CASK: variants seen among roughly 807,000 people sequenced by gnomAD.
CASK encodes calcium/calmodulin dependent serine protein kinase, also known as peripheral plasma membrane protein CASK.
CASK carries 4 observed loss-of-function variants against 82.9 expected under a neutral mutation model. The ratio of observed to expected loss-of-function variants is 0.05; its 90% CI spans 0.02 to 0.11. The LOEUF is 0.11. Ranked by LOEUF, CASK falls within the 10% of genes least tolerant of loss-of-function variation. The pLI is 1.00. For missense variants in CASK, 358 were observed against 720.9 expected (o/e 0.50, Z 5.76); for synonymous variants, 259 against 253.5 (o/e 1.02, Z -0.20).
intron 1 of CASK, among the ~76,000 whole-genome samples, chrX:41,909,855 C>T (rs1289167616): frequency 8.9e-6 from 1 of 111,940 alleles, no homozygotes; most frequent in African/African-American, 3.2e-5. Context: ...GATCCACCCA[C>T]CTTGGCCTCC....
intron 15 of CASK, among the ~76,000 whole-genome samples, chrX:41,570,010 C>CTTTTTTTTTTTTTTTTTTTTTTTTTT (rs397937722): frequency 1.8e-4 from 13 of 70,630 alleles, no homozygotes; most frequent in Non-Finnish European, 2.6e-4. Flanking sequence ...TTTCTTTTTT[C>CTTTTTTTTTTTTTTTTTTTTTTTTTT]TTTTTTTTTT....
intron 15 of CASK, 21 bp downstream of exon 15, chrX:41,578,319 A>C (rs777825631): frequency 8.6e-7 from 1 of 1,158,337 alleles, no homozygotes; most frequent in Non-Finnish European, 1.2e-6. Context: ...AGAGTATTGA[A>C]AACTTTCTCT....
chrX:41,783,979 CA>C (rs886883663), intron 3 of CASK, among the ~76,000 whole-genome samples: 2 of 112,220 alleles, frequency 1.8e-5, no homozygotes, highest in Non-Finnish European at 3.8e-5. Context: ...TCTTCTAGGC[CA>C]GTGGTCTTCA....
At position 41,588,212 on chromosome X, in the gene CASK, A is replaced by G. The variant is rs1001431743; in HGVS notation, c.1234-1225T>C. The G allele has an allele frequency of 5.4e-5, 6 of 112,059 alleles. No homozygotes were observed. In the East Asian group the frequency reaches 1.7e-3, roughly 31 times the overall value. 9.2% of individuals were successfully genotyped at this position (112,059 alleles called of 1,213,427 possible). ...ATTGTTTCAAGATGATAAACCAATTATCCTTGGTGTATTTTATGCTCCGAG... is the reference window on the plus strand; with the variant it reads ...ATTGTTTCAAGATGATAAACCAATTGTCCTTGGTGTATTTTATGCTCCGAG... On this transcript the variant is annotated intron_variant, in intron 13 of 26. Transcript: ENST00000378163.
intron 21 of CASK, among the ~76,000 whole-genome samples, chrX:41,544,349 T>C (rs1185651870): frequency 9.0e-6 from 1 of 111,175 alleles, no homozygotes; most frequent in Non-Finnish European, 1.9e-5. Flanking sequence ...GGTGGATGAC[T>C]TGAGCTCAGG....
At chrX:41,778,003 A>C (rs887430201) in intron 3 of CASK, among the ~76,000 whole-genome samples, 72 of 111,818 alleles carry the variant, frequency 6.4e-4, no homozygotes, top group African/African-American at 2.3e-3. Context: ...AACATGGCAC[A>C]TGCACACATT....
chrX:41,553,676 TG>T, intron 21 of CASK, 42 bp downstream of exon 21: 1 of 1,019,759 alleles, frequency 9.8e-7, no homozygotes, highest in Non-Finnish European at 1.4e-6. Flanking sequence ...GTCAGGGCTT[TG>T]TTTTTATAAC....
At chrX:41,779,256 A>G (rs1025647735) in intron 3 of CASK, among the ~76,000 whole-genome samples, 2 of 112,002 alleles carry the variant, frequency 1.8e-5, no homozygotes, top group African/African-American at 3.2e-5. Flanking sequence ...CCAGCCCCCA[A>G]TAAAAACCCA....
intron 3 of CASK, among the ~76,000 whole-genome samples, chrX:41,764,597 G>A (rs1205812804): frequency 9.0e-6 from 1 of 111,457 alleles, no homozygotes; most frequent in Non-Finnish European, 1.9e-5. Flanking sequence ...AGCCAGAGAC[G>A]GCAAGTCAGC....
At chrX:41,625,432 C>T (rs769339783) in intron 10 of CASK, among the ~76,000 whole-genome samples, 11 of 110,697 alleles carry the variant, frequency 9.9e-5, no homozygotes, top group South Asian at 3.8e-4. Context: ...ATCATCTGCC[C>T]GCCTCGGCCT....
At chrX:41,852,387 T>C (rs938224524) in intron 2 of CASK, among the ~76,000 whole-genome samples, 2 of 111,547 alleles carry the variant, frequency 1.8e-5, no homozygotes, top group East Asian at 2.8e-4. Context: ...TTTACTGAAC[T>C]GTGGAAAAGT....
chrX:41,908,754 T>C (rs1317497318), intron 1 of CASK, among the ~76,000 whole-genome samples: 1 of 112,093 alleles, frequency 8.9e-6, no homozygotes, highest in East Asian at 2.8e-4. Context: ...TACCTAATGA[T>C]TTTAGCTGTT....
intron 15 of CASK, chrX:41,570,927 A>T (rs991870162): frequency 8.9e-6 from 1 of 111,925 alleles, no homozygotes; most frequent in African/African-American, 3.2e-5. Context: ...TATTTTAAAG[A>T]TCTGGAACAC....
At chrX:41,696,093 A>G in intron 5 of CASK, 1 of 1,204,712 alleles carries the variant, frequency 8.3e-7, no homozygotes, top group Non-Finnish European at 1.1e-6. Context: ...GGATCGCTAT[A>G]TAAAAATTAA....
chrX:41,858,556 C>T (rs183623251), intron 1 of CASK, among the ~76,000 whole-genome samples: 11 of 111,302 alleles, frequency 9.9e-5, no homozygotes, highest in African/African-American at 2.0e-4. Context: ...TGCACTACAG[C>T]GGAAATGTCC....
At chrX:41,800,457 C>T (rs2069970121) in intron 2 of CASK, among the ~76,000 whole-genome samples, 1 of 111,090 alleles carries the variant, frequency 9.0e-6, no homozygotes, top group Non-Finnish European at 1.9e-5. Flanking sequence ...TGACAAGGGA[C>T]TCAATGTTAT....
At chrX:41,737,956 TTTTA>T (rs2068525465) in intron 5 of CASK, among the ~76,000 whole-genome samples, 1 of 113,031 alleles carries the variant, frequency 8.8e-6, no homozygotes, top group Non-Finnish European at 1.9e-5. Context: ...CTTTCCACAC[TTTTA>T]TTTCTTTTTG....
At chrX:41,612,866 G>A (rs1397646611) in intron 11 of CASK, among the ~76,000 whole-genome samples, 3 of 86,151 alleles carry the variant, frequency 3.5e-5, no homozygotes, top group African/African-American at 9.0e-5. Context: ...CAGCCGCCCC[G>A]TCCGGGAGGG....
At chrX:41,596,704 A>G (rs1208445209) in intron 12 of CASK, among the ~76,000 whole-genome samples, 2 of 112,156 alleles carry the variant, frequency 1.8e-5, no homozygotes, top group African/African-American at 6.5e-5. Context: ...ATGTACACAC[A>G]ACACCAGGGC....
Sources: allele counts gnomAD v4.1 joint callset (sites outside exome capture counted in the v4.1 genomes callset), GRCh38; gene constraint gnomAD v4.1.1; transcripts MANE v1.5; gene names NCBI Gene and HGNC (gene_info 2026-07-23, HGNC 2026-07-21).